DPYSL5: variants seen among roughly 807,000 people sequenced by gnomAD.
The protein encoded by DPYSL5 is dihydropyrimidinase-related protein 5.
Under a neutral mutation model 58.4 loss-of-function variants are expected in DPYSL5, and 9 were observed. The observed-to-expected ratio is 0.15, with a 90% CI of 0.09 to 0.27. DPYSL5 has a LOEUF of 0.27. Among genes scored for constraint, DPYSL5 ranks in the 10% least tolerant of loss-of-function variants. The pLI, the probability that DPYSL5 is intolerant of heterozygous loss-of-function variation, is 1.00. For missense variants in DPYSL5, 499 were observed against 770.6 expected, an observed-to-expected ratio of 0.65 and a Z score of 4.17; for synonymous variants, 293 against 301.9, an observed-to-expected ratio of 0.97 and a Z score of 0.31.
intron 5 of DPYSL5, among the ~76,000 whole-genome samples, chr2:26,928,704 T>TATATATACAC: frequency 3.2e-5 from 2 of 62,966 alleles, no homozygotes; most frequent in African/African-American, 1.3e-4. Flanking sequence ...TATATATATA[T>TATATATACAC]ACACACACAC....
chr2:26,860,621 T>C (rs6756245), intron 1 of DPYSL5, among the ~76,000 whole-genome samples: 59,996 of 152,048 alleles, frequency 0.39, 12,133 homozygotes, highest in Admixed American at 0.48. Flanking sequence ...TAGGAAAAAA[T>C]TAGACATGAC....
intron 2 of DPYSL5, among the ~76,000 whole-genome samples, chr2:26,913,649 A>G (rs543761939): frequency 1.3e-5 from 2 of 152,338 alleles, no homozygotes; most frequent in South Asian, 2.1e-4. Context: ...AATATTAACA[A>G]CATTGCACAT....
intron 8 of DPYSL5, chr2:26,939,739 C>T (rs950535355): frequency 6.0e-6 from 2 of 336,000 alleles, no homozygotes; most frequent in Admixed American, 4.3e-5. Flanking sequence ...CAGCTAGACT[C>T]TAAGTTCGGC....
rs147564299 is a variant in DPYSL5 at position 26,920,594 on chromosome 2, C to T, written c.262-4293C>T. ...CAGTCTGGCCAACATGGTGAAACAC[C>T]ATCTGTACTGAAAATACAAAATTAA... is the stretch of plus-strand genomic sequence containing the variant. On this transcript the variant is annotated intron_variant, in intron 2 of 12. Transcript: ENST00000288699. Among the ~76,000 whole-genome samples the T allele has an allele frequency of 4.6e-3, 698 of 152,238 alleles. 3 individuals carry two copies. The highest frequency in any genetic ancestry group is 0.016 in the African/African-American group (661 of 41,540).
intron 1 of DPYSL5, among the ~76,000 whole-genome samples, chr2:26,853,390 A>G (rs1297187933): frequency 6.6e-6 from 1 of 152,208 alleles, no homozygotes; most frequent in East Asian, 1.9e-4. Flanking sequence ...TTTATTTCAC[A>G]AACACTTTCA....
rs193026286 is a variant in DPYSL5 at position 26,926,141 on chromosome 2, G to A, written c.420+1096G>A. 1.3e-3 allele frequency among the ~76,000 whole-genome samples: 196 copies of A among 152,350 alleles called. 2 individuals carry two copies. The highest frequency in any genetic ancestry group is 4.6e-3 in the African/African-American group (190 of 41,582). ...CACCCTTCTCAGATGATAACCTAAAGCCTCACTATATTTCTGCCCTCGGGT... is the reference window on the plus strand; with the variant it reads ...CACCCTTCTCAGATGATAACCTAAAACCTCACTATATTTCTGCCCTCGGGT... On this transcript the variant is annotated intron_variant, in intron 3 of 12. Coordinates refer to ENST00000288699, the MANE Select transcript of DPYSL5 (RefSeq NM_020134.4).
At chr2:26,938,392 T>A (rs1040899080) in intron 8 of DPYSL5, 7 of 152,258 alleles carry the variant, frequency 4.6e-5, no homozygotes, top group Admixed American at 4.6e-4. Flanking sequence ...ACCCTAAAGA[T>A]TCCATTCATC....
chr2:26,851,989 G>A (rs1325366053), intron 1 of DPYSL5, among the ~76,000 whole-genome samples: 2 of 152,118 alleles, frequency 1.3e-5, no homozygotes, highest in African/African-American at 4.8e-5. Context: ...ATTTTCTTGG[G>A]GCATAGAAAA....
At chr2:26,937,936 C>T (rs931242401) in intron 8 of DPYSL5, among the ~76,000 whole-genome samples, 1 of 152,024 alleles carries the variant, frequency 6.6e-6, no homozygotes, top group African/African-American at 2.4e-5. Flanking sequence ...AAACTCCTGA[C>T]CTCAACTGAT....
At chr2:26,937,592 T>C (rs528966645) in intron 8 of DPYSL5, among the ~76,000 whole-genome samples, 6 of 152,232 alleles carry the variant, frequency 3.9e-5, no homozygotes, top group Admixed American at 2.0e-4. Flanking sequence ...AATAAAAAAG[T>C]ACAATCTATA....
intron 8 of DPYSL5, among the ~76,000 whole-genome samples, chr2:26,935,479 G>C (rs1207834555): frequency 6.6e-6 from 1 of 152,096 alleles, no homozygotes; most frequent in African/African-American, 2.4e-5. Flanking sequence ...CTTGAGATCA[G>C]GAGTTCAAGA....
intron 1 of DPYSL5, among the ~76,000 whole-genome samples, chr2:26,850,933 T>C (rs1174138199): frequency 6.6e-6 from 1 of 152,118 alleles, no homozygotes; most frequent in Non-Finnish European, 1.5e-5. Flanking sequence ...TTTTTAACTA[T>C]ATTTTAACTG....
At chr2:26,852,272 A>G (rs1005363409) in intron 1 of DPYSL5, among the ~76,000 whole-genome samples, 1 of 152,254 alleles carries the variant, frequency 6.6e-6, no homozygotes, top group Admixed American at 6.5e-5. Flanking sequence ...TCCAATAAGC[A>G]GGTGTTTGAT....
At chr2:26,914,821 G>A (rs1332216476) in intron 2 of DPYSL5, among the ~76,000 whole-genome samples, 2 of 152,100 alleles carry the variant, frequency 1.3e-5, no homozygotes, top group Non-Finnish European at 2.9e-5. Flanking sequence ...AGGAACTCAG[G>A]ACTCCCAGGG....
At chr2:26,907,334 G>C (rs866564014) in intron 2 of DPYSL5, among the ~76,000 whole-genome samples, 1 of 151,798 alleles carries the variant, frequency 6.6e-6, no homozygotes, top group Non-Finnish European at 1.5e-5. Flanking sequence ...GGCTAGTCTC[G>C]AACTCCTGAC....
intron 9 of DPYSL5, among the ~76,000 whole-genome samples, chr2:26,940,991 C>T (rs1465713588): frequency 1.3e-5 from 2 of 148,770 alleles, no homozygotes; most frequent in East Asian, 3.9e-4. Flanking sequence ...GGCTGGAGTA[C>T]AATGGCGCTG....
At position 26,947,099 on chromosome 2, in the gene DPYSL5, A is replaced by C. The variant is rs1572726452; in HGVS notation, c.*104A>C. 9.8e-7 allele frequency: 1 copy of C among 1,021,968 alleles called. No homozygotes were observed. Among genetic ancestry groups the C allele is most frequent in the Non-Finnish European group, 1.5e-6 (1 of 686,614 alleles). The allele number at this position is 1,021,968 out of a possible 1,614,324, so 63.3% of individuals were successfully genotyped here. A position where few individuals can be genotyped will look rare whatever the true frequency, so the allele number is the denominator to read the frequency against. On this transcript the variant is annotated 3_prime_UTR_variant, in exon 13 of 13. Coordinates refer to ENST00000288699, the MANE Select transcript of DPYSL5 (RefSeq NM_020134.4). The surrounding 1 kb of genome is among the most constrained non-coding windows in gnomAD (Gnocchi z 4.2). ...GAGAGGCTGGGCTGGGTGGCACACC[A>C]CCCGAGGGGGGCCCCGGGACCCACG...
At chr2:26,894,467 G>C (rs1051579909) in intron 1 of DPYSL5, among the ~76,000 whole-genome samples, 2 of 152,130 alleles carry the variant, frequency 1.3e-5, no homozygotes, top group Admixed American at 1.3e-4. Flanking sequence ...GGCAAGGTGG[G>C]CATAATAATA....
intron 2 of DPYSL5, among the ~76,000 whole-genome samples, chr2:26,922,191 G>C (rs1181547241): frequency 3.9e-5 from 6 of 152,134 alleles, no homozygotes; most frequent in Non-Finnish European, 8.8e-5. Flanking sequence ...TCCTCCTGGG[G>C]GACAGACCAC....
Sources: gnomAD v4.1 joint callset for allele counts (sites outside exome capture counted in the v4.1 genomes callset) on GRCh38, gnomAD v4.1.1 for gene constraint, Gnocchi (gnomAD v3.1) non-coding constraint, MANE v1.5 for transcripts, NCBI Gene and HGNC (gene_info 2026-07-23, HGNC 2026-07-21) for gene names.